Variants in SPATS2L observed in about 807,000 individuals in gnomAD.
SPATS2L encodes the protein spermatogenesis associated serine rich 2 like, also known as SPATS2-like protein.
SPATS2L carries 30 observed loss-of-function variants against 59.6 expected under a neutral mutation model. The ratio of observed to expected loss-of-function variants is 0.50; its 90% CI spans 0.38 to 0.68. The LOEUF (loss-of-function observed/expected upper bound fraction) is 0.68, where lower values mean the gene tolerates loss of function less well. SPATS2L is among the 30% of genes least tolerant of loss of function. SPATS2L has a pLI of 0.00. For synonymous variants in SPATS2L, 252 were observed against 263.5 expected (o/e 0.96, Z 0.42); for missense variants, 615 against 700.0 (o/e 0.88, Z 1.37).
intron 4 of SPATS2L, 73 bp from the exon 5 acceptor site, chr2:200,416,306 G>T: frequency 1.4e-6 from 1 of 722,390 alleles, no homozygotes; most frequent in South Asian, 3.7e-5. Context: ...TACCAAGATG[G>T]AAAGACAGAG....
chr2:200,306,524 A>G, upstream of SPATS2L: 1 of 1,002,416 alleles, frequency 1.0e-6, no homozygotes, highest in Non-Finnish European at 1.2e-6. Context: ...GTGAGCGGAT[A>G]CAAAACCCGA....
At chr2:200,316,024 CAAA>C (rs369862567) in intron 1 of SPATS2L, among the ~76,000 whole-genome samples, 2 of 49,780 alleles carry the variant, frequency 4.0e-5, no homozygotes, top group Non-Finnish European at 4.0e-5. Flanking sequence ...GACTCCATCT[CAAA>C]AAAAAAAAAA....
intron 12 of SPATS2L, among the ~76,000 whole-genome samples, chr2:200,473,362 T>C (rs1559167061): frequency 6.6e-6 from 1 of 152,180 alleles, no homozygotes. Flanking sequence ...CCACCATCCC[T>C]GGGGCCCCGA....
Position 200,322,721 on chromosome 2 carries a change from C to T in SPATS2L, c.-72-6710C>T, listed in dbSNP as rs1450157856. ...GTATTGCCAGTCAGTACCTAACACA[C>T]AGTTTCTTAGAACAAAGGAGCAATT... On this transcript the variant is annotated intron_variant, in intron 1 of 12. Coordinates refer to ENST00000409140, the MANE Select transcript of SPATS2L (RefSeq NM_001100423.2). 2.6e-5 allele frequency among the ~76,000 whole-genome samples: 4 copies of T among 152,176 alleles called. No homozygotes were observed. In the East Asian group the frequency reaches 7.7e-4, roughly 29 times the overall value.
At chr2:200,312,198 C>G (rs922790358) in intron 1 of SPATS2L, among the ~76,000 whole-genome samples, 19 of 152,164 alleles carry the variant, frequency 1.2e-4, no homozygotes, top group Non-Finnish European at 4.4e-5. Flanking sequence ...ATCCAGCTCA[C>G]TTAGAATGCT....
intron 9 of SPATS2L, among the ~76,000 whole-genome samples, chr2:200,464,734 C>T (rs1175084540): frequency 6.6e-6 from 1 of 151,986 alleles, no homozygotes; most frequent in Non-Finnish European, 1.5e-5. Flanking sequence ...CTGCCTCAGC[C>T]TCCGAAAGTG....
At chr2:200,335,627 C>G (rs1410967161) in intron 2 of SPATS2L, among the ~76,000 whole-genome samples, 1 of 152,118 alleles carries the variant, frequency 6.6e-6, no homozygotes, top group Non-Finnish European at 1.5e-5. Flanking sequence ...TGTGTTCACA[C>G]CTGATTTTAG....
intron 2 of SPATS2L, among the ~76,000 whole-genome samples, chr2:200,340,027 A>G (rs529774548): frequency 6.6e-6 from 1 of 152,140 alleles, no homozygotes; most frequent in Non-Finnish European, 1.5e-5. Flanking sequence ...CCTCCATGTG[A>G]TCCTTCACAT....
At chr2:200,442,063 G>A (rs2084737793) in intron 8 of SPATS2L, among the ~76,000 whole-genome samples, 1 of 151,988 alleles carries the variant, frequency 6.6e-6, no homozygotes, top group Admixed American at 6.6e-5. Flanking sequence ...CCTCTCAGAG[G>A]CCCTCTGAGG....
intron 1 of SPATS2L, among the ~76,000 whole-genome samples, chr2:200,313,080 G>A (rs1045007324): frequency 3.9e-5 from 6 of 152,222 alleles, no homozygotes; most frequent in African/African-American, 1.2e-4. Flanking sequence ...TGAATCTGGT[G>A]TCTGACACCC....
intron 2 of SPATS2L, among the ~76,000 whole-genome samples, chr2:200,337,746 A>G (rs994962051): frequency 1.3e-5 from 2 of 152,182 alleles, no homozygotes; most frequent in African/African-American, 4.8e-5. Context: ...TTGCTCCTTG[A>G]TGCACAAGCT....
chr2:200,462,397 A>G (rs780048737), intron 9 of SPATS2L, among the ~76,000 whole-genome samples: 1 of 152,240 alleles, frequency 6.6e-6, no homozygotes, highest in Non-Finnish European at 1.5e-5. Context: ...AGACAAATGT[A>G]GAGCCTGCAC....
At chr2:200,420,178 C>T (rs2083251019) in intron 6 of SPATS2L, among the ~76,000 whole-genome samples, 1 of 152,108 alleles carries the variant, frequency 6.6e-6, no homozygotes, top group Non-Finnish European at 1.5e-5. Context: ...GGCACATCAT[C>T]TACTCTAGGG....
intron 3 of SPATS2L, among the ~76,000 whole-genome samples, chr2:200,401,812 G>C (rs2082538212): frequency 6.6e-6 from 1 of 152,150 alleles, no homozygotes; most frequent in Non-Finnish European, 1.5e-5. Context: ...AGCCAGGGTT[G>C]AGACTCAGTT....
intron 6 of SPATS2L, among the ~76,000 whole-genome samples, chr2:200,422,033 C>G (rs1196164483): frequency 6.6e-6 from 1 of 152,178 alleles, no homozygotes; most frequent in Non-Finnish European, 1.5e-5. Context: ...GGACAGCTGC[C>G]TTGAAAGTTA....
chr2:200,463,385 T>C (rs1339802414), intron 9 of SPATS2L: 1 of 152,188 alleles, frequency 6.6e-6, no homozygotes, highest in East Asian at 1.9e-4. Flanking sequence ...TTCATAAATA[T>C]TTGTTAAATG....
intron 6 of SPATS2L, among the ~76,000 whole-genome samples, chr2:200,423,342 A>T (rs780853017): frequency 4.6e-5 from 7 of 152,232 alleles, no homozygotes; most frequent in Non-Finnish European, 1.0e-4. Context: ...CAAGAGCTCT[A>T]ACAGGTATTC....
At chr2:200,469,778 C>A in intron 10 of SPATS2L, 136 bp from the exon 11 acceptor site, 2 of 650,700 alleles carry the variant, frequency 3.1e-6, no homozygotes, top group Non-Finnish European at 5.3e-6. Context: ...TGGAGCCTCC[C>A]AGCAACAGGG....
At position 200,358,837 on chromosome 2, in the gene SPATS2L, A is replaced by G. The variant is rs1388558213; in HGVS notation, c.-23+29357A>G. On this transcript the variant is annotated intron_variant, in intron 2 of 12. Transcript: ENST00000409140. ...ATCTCTATCTAAAAACAAAATTTAA[A>G]ATTAGCCAGGCGTGGCAGTGCACAC... Among the ~76,000 whole-genome samples, 4 of 152,020 alleles carry G rather than the reference A, an allele frequency of 2.6e-5. No homozygotes were observed. In the East Asian group the frequency reaches 7.7e-4, roughly 29 times the overall value.
Sources: gnomAD v4.1 joint callset for allele counts (sites outside exome capture counted in the v4.1 genomes callset) on GRCh38, gnomAD v4.1.1 for gene constraint, MANE v1.5 for transcripts, NCBI Gene and HGNC (gene_info 2026-07-23, HGNC 2026-07-21) for gene names.